The following MCM3AP variants were observed in gnomAD, a reference collection of about 807,000 sequenced individuals.
The protein encoded by MCM3AP is minichromosome maintenance complex component 3 associated protein.
A neutral mutation model predicts 184.1 loss-of-function variants in MCM3AP; 126 were observed. That is an observed-to-expected ratio of 0.68 (90% CI 0.59 to 0.79). The LOEUF (loss-of-function observed/expected upper bound fraction) is 0.79. MCM3AP is among the 30% of genes least tolerant of loss of function. The pLI, the probability that MCM3AP is intolerant of heterozygous loss-of-function variation, is 0.00. For synonymous variants in MCM3AP, 1,002 were observed against 979.3 expected (o/e 1.02, Z -0.43); for missense variants, 2,496 against 2,479.2 (o/e 1.01, Z -0.14).
In MCM3AP at chr21:46,284,746, GGT is replaced by G. The variant is rs1163707779; in HGVS notation, c.539_540del (p.His180ProfsTer3). 1 of 1,613,858 alleles carries G rather than the reference GGT, an allele frequency of 6.2e-7. No homozygotes were observed. Among genetic ancestry groups the G allele is most frequent in the Non-Finnish European group, 8.5e-7 (1 of 1,179,966 alleles). ...QIASGFFTFS[H>X]PISSAPGGLA... is the part of the protein sequence containing the mutation. ...AGGCCTCCAGGTGCACTACTAATTG[GGT>G]GGGAAAATGTAAAAAACCCAGAAGC... On this transcript the variant is annotated frameshift_variant, in exon 1 of 28. Coordinates refer to ENST00000291688, the MANE Select transcript of MCM3AP (RefSeq NM_003906.5). LOFTEE classifies it high-confidence loss of function.
chr21:46,280,009 T>C lies in MCM3AP; in HGVS notation c.1651A>G (p.Ser551Gly). 6.2e-7 allele frequency: 1 copy of C among 1,612,950 alleles called. No homozygotes were observed. Among genetic ancestry groups the C allele is most frequent in the Non-Finnish European group, 8.5e-7 (1 of 1,179,654 alleles). Residue 551 changes from serine to glycine, a missense_variant, in exon 4 of 28, where the codon AGC becomes GGC. Physicochemically the swap from Ser to Gly is moderately conservative, Grantham distance 56. Around this residue, in one of 5 missense-constraint regions of MCM3AP, gnomAD observed 800 missense variants for 717.1 expected, o/e 1.12. Coordinates refer to ENST00000291688, the MANE Select transcript of MCM3AP (RefSeq NM_003906.5). ...CGATCCCACCTTTTATTCAGGAGGCTGCTAGCACCAGTCCTCCCTGCGGCC... is the reference window on the plus strand; with the variant it reads ...CGATCCCACCTTTTATTCAGGAGGCCGCTAGCACCAGTCCTCCCTGCGGCC... The part of the protein sequence containing the change: ...GKAAGRTGAS[S>G]LLNKSSPVKK...
In MCM3AP at chr21:46,242,786, T is replaced by A. The variant is rs771559226; in HGVS notation, c.5426+16A>T. The A allele has an allele frequency of 3.1e-6, 5 of 1,594,506 alleles. No homozygotes were observed. Among genetic ancestry groups the A allele is most frequent in the Non-Finnish European group, 4.3e-6 (5 of 1,173,244 alleles). On this transcript the variant is annotated intron_variant, in intron 25 of 27. Transcript: ENST00000291688. ...AGTTTAGCAAGCAACAGAAACATAC[T>A]GAACATGAACCTCACCGTCCCTCTC...
chr21:46,263,779 T>G, intron 13 of MCM3AP, among the ~76,000 whole-genome samples: 1 of 13,006 alleles, frequency 7.7e-5, no homozygotes, highest in Non-Finnish European at 1.5e-4. Flanking sequence ...AGACTCCATC[T>G]CAAAAAAAAA....
intron 5 of MCM3AP, among the ~76,000 whole-genome samples, chr21:46,276,933 G>A (rs961054081): frequency 6.6e-5 from 10 of 151,296 alleles, no homozygotes; most frequent in Non-Finnish European, 1.3e-4. Flanking sequence ...ATTTATTGTA[G>A]AGATGGGGGT....
chr21:46,241,919 G>A (rs2080673629), intron 25 of MCM3AP: 1 of 152,164 alleles, frequency 6.6e-6, no homozygotes, highest in African/African-American at 2.4e-5. Flanking sequence ...AGTTGGAGAA[G>A]GTACTTCAAG....
chr21:46,259,854 G>A (rs1308238988), intron 15 of MCM3AP, among the ~76,000 whole-genome samples: 2 of 148,664 alleles, frequency 1.3e-5, no homozygotes, highest in Admixed American at 6.8e-5. Flanking sequence ...GCAGTGAGCC[G>A]AGATGGCACC....
In MCM3AP at chr21:46,272,419, C is replaced by G. The variant is rs930549345; in HGVS notation, c.2465+142G>C. The stretch of plus-strand genomic sequence containing the variant: ...AGCTCAGCCGACTGCAAAGCCAGAC[C>G]AAGGTCCTCTACTATCATCCCAACA... On this transcript the variant is annotated intron_variant, in intron 8 of 27. Transcript: ENST00000291688. 3.4e-6 allele frequency: 3 copies of G among 881,844 alleles called. No homozygotes were observed. The African/African-American group carries it at 5.0e-5, about 15-fold the overall frequency. The allele number at this position is 881,844 out of a possible 1,614,324, so 54.6% of individuals were successfully genotyped here. A position where few individuals can be genotyped will look rare whatever the true frequency, so the allele number is the denominator to read the frequency against.
Position 46,272,622 on chromosome 21 carries a change from T to G in MCM3AP, c.2404A>C (p.Ser802Arg), listed in dbSNP as rs1281027017. 1.2e-6 allele frequency: 2 copies of G among 1,614,108 alleles called. No homozygotes were observed. Among genetic ancestry groups the G allele is most frequent in the African/African-American group, 1.3e-5 (1 of 74,942 alleles). ...DLRNKGVFCA[S>R]EAEFQGYNVL... The stretch of plus-strand genomic sequence containing the variant: ...TTGTAGCCCTGGAACTCCGCTTCGC[T>G]GGCACAGAAGACACCCTTGTTTCTC... Residue 802 changes from serine to arginine, a missense_variant, in exon 8 of 28, where the codon AGC becomes CGC. Physicochemically the swap from Ser to Arg is moderately radical, Grantham distance 110. This residue lies in a region of MCM3AP where 105 missense variants were observed against 97.1 expected (regional missense o/e 1.08). Coordinates refer to ENST00000291688, the MANE Select transcript of MCM3AP (RefSeq NM_003906.5).
At position 46,261,335 on chromosome 21, in the gene MCM3AP, C is replaced by G. The variant is rs748339971; in HGVS notation, c.3412G>C (p.Val1138Leu). The stretch of plus-strand genomic sequence containing the variant: ...TCCCTTCGCTCTCTTTCCTTAGACA[C>G]TTCTTCAGCTGCAATGTGCCTCAAA... The part of the protein sequence containing the change: ...GILRHIAAEE[V>L]SKERERREQE... The change falls in exon 14 of 28, where the codon GTG becomes CTG. Residue 1138 changes from valine (V) to leucine (L), a missense_variant. This residue lies in a region of MCM3AP where 1,323 missense variants were observed against 1,273.4 expected (regional missense o/e 1.04). Transcript: ENST00000291688. 43 of 1,614,082 alleles carry G rather than the reference C, an allele frequency of 2.7e-5. No individual in the cohort carries two copies. The highest frequency in any genetic ancestry group is 3.4e-5 in the Non-Finnish European group (40 of 1,180,040).
intron 3 of MCM3AP, 42 bp downstream of exon 3, chr21:46,280,455 A>C: frequency 4.2e-6 from 6 of 1,415,500 alleles, no homozygotes; most frequent in Non-Finnish European, 5.9e-6. Context: ...AATAAATAAA[A>C]ATAATTTTTT....
chr21:46,278,836 G>C (rs1391198465), intron 4 of MCM3AP, among the ~76,000 whole-genome samples: 2 of 151,812 alleles, frequency 1.3e-5, no homozygotes, highest in Non-Finnish European at 2.9e-5. Flanking sequence ...ACCATGCCCG[G>C]CTAATTTTTT....
Position 46,284,154 on chromosome 21 carries a change from G to A in MCM3AP, c.1133C>T (p.Pro378Leu). 6.2e-7 allele frequency: 1 copy of A among 1,614,184 alleles called. No homozygotes were observed. The highest frequency in any genetic ancestry group is 8.5e-7 in the Non-Finnish European group (1 of 1,180,030). Residue 378 changes from proline to leucine, a missense_variant, in exon 1 of 28, where the codon CCA becomes CTA. Pro to Leu is a moderately conservative substitution (Grantham distance 98). Around this residue, in one of 5 missense-constraint regions of MCM3AP, gnomAD observed 800 missense variants for 717.1 expected, o/e 1.12. Coordinates refer to ENST00000291688, the MANE Select transcript of MCM3AP (RefSeq NM_003906.5). Reference protein sequence around the residue: ...ESAESDHMAIPGGNQSVLAPS... With the variant: ...ESAESDHMAILGGNQSVLAPS... The stretch of plus-strand genomic sequence containing the variant: ...TGCCAGGACAGACTGATTCCCTCCT[G>A]GGATAGCCATGTGGTCACTTTCTGC...
chr21:46,246,832 C>T lies in MCM3AP; in HGVS notation c.4345G>A (p.Asp1449Asn). 6.2e-7 allele frequency: 1 copy of T among 1,614,174 alleles called. No individual in the cohort carries two copies. The highest frequency in any genetic ancestry group is 8.5e-7 in the Non-Finnish European group (1 of 1,180,038). Residue 1449 changes from aspartate to asparagine, a missense_variant, in exon 21 of 28, where the codon GAC becomes AAC. Physicochemically the swap from Asp to Asn is conservative, Grantham distance 23. Around this residue, in one of 5 missense-constraint regions of MCM3AP, gnomAD observed 1,323 missense variants for 1,273.4 expected, o/e 1.04. Transcript: ENST00000291688. The stretch of plus-strand genomic sequence containing the variant: ...ATGAGCCCACTGGCTCCCAGGAGGT[C>T]CTTCTGTGTCTCCACAGCATCAATG... Reference protein sequence around the residue: ...GAIDAVETQKDLLGASGLMLL... With the variant: ...GAIDAVETQKNLLGASGLMLL...
intron 13 of MCM3AP, 121 bp from the exon 14 acceptor site, chr21:46,261,532 A>G (rs1473938899): frequency 7.0e-6 from 6 of 853,674 alleles, no homozygotes; most frequent in Admixed American, 4.1e-5. Context: ...CAGAAGATCA[A>G]GACCATTCTG....
At position 46,283,617 on chromosome 21, in the gene MCM3AP, G is replaced by A; in HGVS notation, c.1441C>T (p.His481Tyr). The A allele has an allele frequency of 6.2e-7, 1 of 1,609,214 alleles. No homozygotes were observed. The highest frequency in any genetic ancestry group is 8.5e-7 in the Non-Finnish European group (1 of 1,175,754). Residue 481 changes from histidine (H) to tyrosine (Y), a missense_variant and splice_region_variant, in exon 2 of 28, where the codon CAT becomes TAT. His to Tyr is a moderately conservative substitution (Grantham distance 83). Coordinates refer to ENST00000291688, the MANE Select transcript of MCM3AP (RefSeq NM_003906.5). Reference protein sequence around the residue: ...KKLAVVHFFDHASAALARKKG... With the variant: ...KKLAVVHFFDYASAALARKKG... Reference sequence around the variant, plus strand: ...AATGGCAAGATGGGAGTACTCACATGATCAAAGAAATGTACCACTGCAAGC... The same window carrying A: ...AATGGCAAGATGGGAGTACTCACATAATCAAAGAAATGTACCACTGCAAGC...
chr21:46,265,940 C>T lies in MCM3AP; in HGVS notation c.3016G>A (p.Gly1006Ser), dbSNP rs753020108. 15 of 1,583,514 alleles carry T rather than the reference C, an allele frequency of 9.5e-6. No individual in the cohort carries two copies. Among genetic ancestry groups the T allele is most frequent in the Middle Eastern group, 1.7e-4 (1 of 5,990 alleles). Residue 1006 changes from glycine (G) to serine (S), a missense_variant, in exon 11 of 28, where the codon GGC becomes AGC. Around this residue, in one of 5 missense-constraint regions of MCM3AP, gnomAD observed 1,323 missense variants for 1,273.4 expected, o/e 1.04. Transcript: ENST00000291688. ...AELPVSTQRP[G>S]SDTVGGGRGE... Reference sequence around the variant, plus strand: ...CTTCACTCACCCACTGTGTCGGAGCCGGGTCTCTGGGTGCTGACGGGCAGC... The same window carrying T: ...CTTCACTCACCCACTGTGTCGGAGCTGGGTCTCTGGGTGCTGACGGGCAGC...
chr21:46,267,373 G>T, intron 9 of MCM3AP: 1 of 513,054 alleles, frequency 1.9e-6, no homozygotes, highest in Non-Finnish European at 3.5e-6. Context: ...AGAGAAGGAT[G>T]GCTTGTGAAG....
At chr21:46,282,970 G>T (rs2081352046) in intron 2 of MCM3AP, among the ~76,000 whole-genome samples, 1 of 151,556 alleles carries the variant, frequency 6.6e-6, no homozygotes, top group African/African-American at 2.4e-5. Flanking sequence ...CTGTCTCCCA[G>T]ACTGGAGTGC....
chr21:46,280,369 G>C (rs2081316612), intron 3 of MCM3AP, 128 bp downstream of exon 3: 2 of 827,024 alleles, frequency 2.4e-6, no homozygotes, highest in Non-Finnish European at 3.8e-6. Flanking sequence ...AAACTGAAAA[G>C]AGGGCCATGC....
Sources: gnomAD v4.1 joint callset for allele counts (sites outside exome capture counted in the v4.1 genomes callset) on GRCh38, gnomAD v4.1.1 for gene constraint, gnomAD v4.1.1 regional missense constraint, MANE v1.5 for transcripts, NCBI Gene and HGNC (gene_info 2026-07-23, HGNC 2026-07-21) for gene names.